The following PIGL variants were observed in gnomAD, a reference collection of about 807,000 sequenced individuals.
PIGL encodes the protein phosphatidylinositol glycan anchor biosynthesis class L.
Under a neutral mutation model 31.1 loss-of-function variants are expected in PIGL, and 22 were observed. The ratio of observed to expected loss-of-function variants is 0.71; its 90% CI spans 0.51 to 1.01. The LOEUF is 1.01. PIGL is among the 50% of genes least tolerant of loss of function. PIGL has a pLI of 0.00. For missense variants in PIGL, 302 were observed against 315.9 expected (o/e 0.96, Z 0.33); for synonymous variants, 131 against 117.4 (o/e 1.12, Z -0.75).
At chr17:16,247,580 C>T (rs545914892) in intron 2 of PIGL, among the ~76,000 whole-genome samples, 7 of 152,292 alleles carry the variant, frequency 4.6e-5, no homozygotes, top group South Asian at 2.1e-4. Flanking sequence ...CCTCTTTGGG[C>T]GGATATTCGG....
At chr17:16,254,298 C>T (rs1377135069) in intron 2 of PIGL, among the ~76,000 whole-genome samples, 1 of 151,300 alleles carries the variant, frequency 6.6e-6, no homozygotes, top group Non-Finnish European at 1.5e-5. Flanking sequence ...GATAGAGTTT[C>T]GTTCTTATTG....
At chr17:16,322,969 A>C (rs1035840900) in intron 6 of PIGL, among the ~76,000 whole-genome samples, 2 of 152,232 alleles carry the variant, frequency 1.3e-5, no homozygotes, top group Non-Finnish European at 2.9e-5. Flanking sequence ...TTTGATCACA[A>C]GCATGAGTTA....
chr17:16,302,254 A>G (rs539393787), intron 3 of PIGL, among the ~76,000 whole-genome samples: 1 of 151,570 alleles, frequency 6.6e-6, no homozygotes, highest in South Asian at 2.1e-4. Flanking sequence ...CAGGCCCCAC[A>G]CTCCCTGCCT....
rs1362570771 is a variant in PIGL, at chr17:16,301,642, G to A, written c.426+1664G>A. Among the ~76,000 whole-genome samples the A allele has an allele frequency of 1.9e-4, 27 of 145,548 alleles. 1 individual carries two copies. The highest frequency in any genetic ancestry group is 2.1e-4 in the African/African-American group (8 of 38,838). On this transcript the variant is annotated intron_variant, in intron 3 of 6. Transcript: ENST00000225609. ...GCTGGAGTGCAGTGGTGTGATCGCC[G>A]CTCACTGCAAGCTCCGCCTCCCGGG...
At chr17:16,239,953 C>T (rs1201986053) in intron 2 of PIGL, among the ~76,000 whole-genome samples, 1 of 152,100 alleles carries the variant, frequency 6.6e-6, no homozygotes, top group African/African-American at 2.4e-5. Context: ...TGGGTTCTCC[C>T]TGAATTACTC....
intron 3 of PIGL, among the ~76,000 whole-genome samples, chr17:16,307,413 A>T (rs980542153): frequency 6.6e-6 from 1 of 152,178 alleles, no homozygotes; most frequent in Non-Finnish European, 1.5e-5. Flanking sequence ...CCACAGCTGC[A>T]TGTTTCCAGC....
At chr17:16,225,501 G>C (rs1482571813) in intron 1 of PIGL, among the ~76,000 whole-genome samples, 1 of 145,014 alleles carries the variant, frequency 6.9e-6, no homozygotes, top group African/African-American at 2.6e-5. Flanking sequence ...CCATTCTCCT[G>C]CCTCAGCCTC....
intron 2 of PIGL, among the ~76,000 whole-genome samples, chr17:16,257,039 C>T (rs369157892): frequency 2.2e-4 from 34 of 152,124 alleles, no homozygotes; most frequent in South Asian, 1.9e-3. Context: ...AAGTCGAGGC[C>T]GCAATGAGCC....
chr17:16,255,772 G>T (rs2092791293), intron 2 of PIGL, among the ~76,000 whole-genome samples: 1 of 152,180 alleles, frequency 6.6e-6, no homozygotes, highest in African/African-American at 2.4e-5. Context: ...CAAAGAAGTG[G>T]CTGGGCTGAG....
chr17:16,318,700 A>T (rs1481307413), intron 6 of PIGL, among the ~76,000 whole-genome samples: 1 of 151,278 alleles, frequency 6.6e-6, no homozygotes, highest in Non-Finnish European at 1.5e-5. Context: ...TGGGAGGCTG[A>T]GGCGGGCAGA....
rs182510615 is a variant in PIGL at position 16,223,955 on chromosome 17, G to A, written c.235+6494G>A. Among the ~76,000 whole-genome samples, 16 of 152,194 alleles carry A rather than the reference G, an allele frequency of 1.1e-4. 1 individual carries two copies. The highest frequency in any genetic ancestry group is 7.2e-4 in the Admixed American group (11 of 15,280). ...CACTAGGCCAGAAGTGTTGGTTCAC[G>A]CCTGTAATCCCAGCACTTTGGGAGA... On this transcript the variant is annotated intron_variant, in intron 1 of 6. Transcript: ENST00000225609.
chr17:16,243,414 G>A (rs1163816732), intron 2 of PIGL, among the ~76,000 whole-genome samples: 1 of 152,150 alleles, frequency 6.6e-6, no homozygotes, highest in African/African-American at 2.4e-5. Context: ...TTGATTTGGG[G>A]TGGGGATCCC....
intron 2 of PIGL, among the ~76,000 whole-genome samples, chr17:16,276,279 A>G (rs2092895004): frequency 6.6e-6 from 1 of 152,244 alleles, no homozygotes; most frequent in South Asian, 2.1e-4. Flanking sequence ...TGGGGTCACT[A>G]GCTTATTCCA....
intron 1 of PIGL, 137 bp downstream of exon 1, chr17:16,217,598 C>T: frequency 2.9e-6 from 2 of 695,664 alleles, no homozygotes; most frequent in South Asian, 1.9e-5. Flanking sequence ...CTCTGAACCC[C>T]TCACAGCCTA....
chr17:16,238,133 T>C (rs1469839399), intron 2 of PIGL, among the ~76,000 whole-genome samples: 1 of 149,276 alleles, frequency 6.7e-6, no homozygotes, highest in Non-Finnish European at 1.5e-5. Flanking sequence ...GAGATGGAGG[T>C]TGCAGTGAGC....
chr17:16,315,344 C>T (rs962045477), intron 4 of PIGL, among the ~76,000 whole-genome samples: 6 of 152,218 alleles, frequency 3.9e-5, no homozygotes, highest in Non-Finnish European at 8.8e-5. Context: ...CACCTTGAAC[C>T]TTCTGTGGCA....
Position 16,283,021 on chromosome 17 carries a change from TAGAC to T in PIGL, c.336-16863_336-16860del, listed in dbSNP as rs1254050806. On this transcript the variant is annotated intron_variant, in intron 2 of 6. Transcript: ENST00000225609. ...CCAAAAAAGAATTTTTTTTTTTTTT[TAGAC>T]AGATTCTCACTCTGTTGCCCAGGTT... is the stretch of plus-strand genomic sequence containing the variant. Among the ~76,000 whole-genome samples the T allele has an allele frequency of 4.1e-5, 6 of 145,770 alleles. No homozygotes were observed. In the South Asian group the frequency reaches 1.4e-3, roughly 33 times the overall value.
intron 2 of PIGL, among the ~76,000 whole-genome samples, chr17:16,295,862 A>G (rs1405303248): frequency 6.6e-6 from 1 of 152,204 alleles, no homozygotes; most frequent in Admixed American, 6.5e-5. Flanking sequence ...AATCACTTGA[A>G]CCGGGGAGGC....
At chr17:16,272,676 A>G in intron 2 of PIGL, among the ~76,000 whole-genome samples, 1 of 152,162 alleles carries the variant, frequency 6.6e-6, no homozygotes, top group Non-Finnish European at 1.5e-5. Context: ...TTGTGAAATC[A>G]GTAGGAAGCT....
Sources: gnomAD v4.1 joint callset for allele counts (sites outside exome capture counted in the v4.1 genomes callset) on GRCh38, gnomAD v4.1.1 for gene constraint, MANE v1.5 for transcripts, NCBI Gene and HGNC (gene_info 2026-07-23, HGNC 2026-07-21) for gene names.